Variants in DLG2 observed in about 807,000 individuals in gnomAD.
DLG2 encodes discs large MAGUK scaffold protein 2.
A neutral mutation model predicts 132.5 loss-of-function variants in DLG2; 45 were observed. The observed-to-expected ratio is 0.34, with a 90% CI of 0.27 to 0.44. DLG2 has a LOEUF of 0.44. Among genes scored for constraint, DLG2 ranks in the 20% least tolerant of loss-of-function variants. DLG2 has a pLI of 1.00. For synonymous variants in DLG2, 424 were observed against 419.6 expected, an observed-to-expected ratio of 1.01 and a Z score of -0.13; for missense variants, 1,045 against 1,196.9, an observed-to-expected ratio of 0.87 and a Z score of 1.87.
intron 3 of DLG2, among the ~76,000 whole-genome samples, chr11:85,356,725 A>G (rs552300655): frequency 8.4e-4 from 128 of 152,270 alleles, no homozygotes; most frequent in African/African-American, 2.9e-3. Flanking sequence ...GAGGGCAGGA[A>G]TCATGTCTAC....
At chr11:84,667,582 C>T (rs1359295594) in intron 6 of DLG2, among the ~76,000 whole-genome samples, 1 of 150,606 alleles carries the variant, frequency 6.6e-6, no homozygotes, top group East Asian at 2.0e-4. Context: ...CTGCAACCTC[C>T]GCCTCCTGGG....
chr11:83,541,844 T>A lies in DLG2; in HGVS notation c.1955A>T (p.Tyr652Phe), dbSNP rs1302623420. 1.2e-6 allele frequency: 2 copies of A among 1,607,264 alleles called. No individual in the cohort carries two copies. Among genetic ancestry groups the A allele is most frequent in the Admixed American group, 3.4e-5 (2 of 59,310 alleles). Residue 652 changes from tyrosine (Y) to phenylalanine (F), a missense_variant, in exon 20 of 28, where the codon TAC becomes TTC. Tyr to Phe is a conservative substitution (Grantham distance 22). Around this residue, in one of 4 missense-constraint regions of DLG2, gnomAD observed 398 missense variants for 543.6 expected, o/e 0.73. Transcript: ENST00000376104. ...CAGCCCACTGTCCTTGCTCTTGTCG[T>A]AGTCGAACATGGCTCTGGAGGAAAG... ...RSLYVRAMFDYDKSKDSGLPS... is the reference protein window; with the variant it reads ...RSLYVRAMFDFDKSKDSGLPS...
chr11:84,492,533 C>T (rs1303619995), intron 7 of DLG2, among the ~76,000 whole-genome samples: 1 of 152,114 alleles, frequency 6.6e-6, no homozygotes, highest in Non-Finnish European at 1.5e-5. Flanking sequence ...TGAGACCTTA[C>T]ACAATATATT....
chr11:85,033,513 A>AT (rs752387101), intron 6 of DLG2, among the ~76,000 whole-genome samples: 2 of 152,174 alleles, frequency 1.3e-5, no homozygotes, highest in Non-Finnish European at 2.9e-5. Context: ...GCATTTTGAG[A>AT]TTTATCTCAT....
At chr11:85,349,313 C>G (rs1565360473) in intron 3 of DLG2, among the ~76,000 whole-genome samples, 2 of 152,070 alleles carry the variant, frequency 1.3e-5, no homozygotes, top group Non-Finnish European at 2.9e-5. Context: ...CTGAAAGAAA[C>G]ACCAAAAGAA....
chr11:84,936,542 T>C (rs1037814828), intron 6 of DLG2: 8 of 152,128 alleles, frequency 5.3e-5, no homozygotes, highest in Non-Finnish European at 1.2e-4. Flanking sequence ...AAGGAAGATA[T>C]ATATGTGCAA....
At chr11:84,942,393 C>A (rs554627687) in intron 6 of DLG2, among the ~76,000 whole-genome samples, 22 of 152,172 alleles carry the variant, frequency 1.4e-4, no homozygotes, top group Non-Finnish European at 2.8e-4. Context: ...GTATTGCCTT[C>A]AGTGTGTTCC....
At chr11:85,576,754 G>A (rs1388890963) in intron 3 of DLG2, among the ~76,000 whole-genome samples, 2 of 151,992 alleles carry the variant, frequency 1.3e-5, no homozygotes, top group Non-Finnish European at 2.9e-5. Flanking sequence ...ACAGTTGGGA[G>A]GGAACACATC....
intron 8 of DLG2, among the ~76,000 whole-genome samples, chr11:84,202,691 A>G (rs1420114235): frequency 6.6e-6 from 1 of 152,172 alleles, no homozygotes; most frequent in African/African-American, 2.4e-5. Flanking sequence ...AACATATAAA[A>G]TGGGAGAATA....
chr11:85,304,900 T>C (rs571251343), intron 3 of DLG2, among the ~76,000 whole-genome samples: 1 of 152,370 alleles, frequency 6.6e-6, no homozygotes, highest in African/African-American at 2.4e-5. Flanking sequence ...TATTTCCATA[T>C]TTTTAAATGT....
chr11:85,434,984 G>T (rs565368556), intron 3 of DLG2, among the ~76,000 whole-genome samples: 2 of 152,008 alleles, frequency 1.3e-5, no homozygotes, highest in Non-Finnish European at 2.9e-5. Flanking sequence ...CAATCAAGTC[G>T]GCTTCATCCC....
intron 3 of DLG2, among the ~76,000 whole-genome samples, chr11:85,554,248 C>T (rs568678160): frequency 2.6e-5 from 4 of 151,260 alleles, no homozygotes; most frequent in African/African-American, 4.8e-5. Context: ...CAATAGTCGT[C>T]GTCAAACTTC....
chr11:83,701,406 T>C (rs2082914160), intron 18 of DLG2, among the ~76,000 whole-genome samples: 1 of 152,184 alleles, frequency 6.6e-6, no homozygotes, highest in Non-Finnish European at 1.5e-5. Context: ...TCAGTAAATA[T>C]TAGCCCTGAT....
intron 7 of DLG2, among the ~76,000 whole-genome samples, chr11:84,509,651 T>G (rs2099251685): frequency 6.6e-6 from 1 of 152,106 alleles, no homozygotes; most frequent in Non-Finnish European, 1.5e-5. Flanking sequence ...ACAAAGAATT[T>G]GAAAATAAAA....
chr11:84,932,797 T>C (rs1252395166), intron 6 of DLG2, among the ~76,000 whole-genome samples: 1 of 152,188 alleles, frequency 6.6e-6, no homozygotes, highest in African/African-American at 2.4e-5. Flanking sequence ...GACTTTGCTA[T>C]TATAAATAGT....
chr11:83,731,531 C>A (rs2091008055), intron 18 of DLG2, among the ~76,000 whole-genome samples: 1 of 152,168 alleles, frequency 6.6e-6, no homozygotes. Context: ...TTTATCCAGT[C>A]TATCATAGAT....
intron 22 of DLG2, chr11:83,480,661 A>C: frequency 6.5e-7 from 1 of 1,537,358 alleles, no homozygotes; most frequent in Non-Finnish European, 8.8e-7. Flanking sequence ...TTTAATTACA[A>C]AAAATGCATA....
intron 6 of DLG2, among the ~76,000 whole-genome samples, chr11:84,902,922 A>G (rs550123753): frequency 6.6e-6 from 1 of 151,372 alleles, no homozygotes; most frequent in African/African-American, 2.4e-5. Context: ...TCTTACTTTT[A>G]CTCCCCTAAA....
chr11:84,470,909 T>G (rs2099106762), intron 7 of DLG2, among the ~76,000 whole-genome samples: 1 of 151,802 alleles, frequency 6.6e-6, no homozygotes, highest in South Asian at 2.1e-4. Flanking sequence ...AATATATGTA[T>G]TTTCAGGACA....
Sources: gnomAD v4.1 joint callset for allele counts (sites outside exome capture counted in the v4.1 genomes callset) on GRCh38, gnomAD v4.1.1 for gene constraint, gnomAD v4.1.1 regional missense constraint, MANE v1.5 for transcripts, NCBI Gene and HGNC (gene_info 2026-07-23, HGNC 2026-07-21) for gene names.